Variants in BAZ2B observed in about 807,000 individuals in gnomAD.
The protein encoded by BAZ2B is bromodomain adjacent to zinc finger domain 2B, also known as bromodomain adjacent to zinc finger domain protein 2B.
In BAZ2B, 91 loss-of-function variants were observed where a neutral mutation model predicts 246.0. That is an observed-to-expected ratio of 0.37 (90% CI 0.31 to 0.44). BAZ2B has a LOEUF of 0.44. Ranked by LOEUF, BAZ2B falls within the 20% of genes least tolerant of loss-of-function variation. The probability of loss-of-function intolerance (pLI) is 1.00; values close to 1 mark genes in which losing one functional copy is unlikely to be tolerated. For missense variants in BAZ2B, 2,332 were observed against 2,533.7 expected, an observed-to-expected ratio of 0.92 and a Z score of 1.71; for synonymous variants, 855 against 860.0, an observed-to-expected ratio of 0.99 and a Z score of 0.10.
intron 16 of BAZ2B, among the ~76,000 whole-genome samples, chr2:159,401,310 T>C (rs1029768292): frequency 1.3e-5 from 2 of 152,192 alleles, no homozygotes; most frequent in East Asian, 3.9e-4. Flanking sequence ...AGAAAAATCA[T>C]GTATCAGCAG....
At chr2:159,593,498 C>G (rs1578737598) in intron 1 of BAZ2B, among the ~76,000 whole-genome samples, 1 of 152,234 alleles carries the variant, frequency 6.6e-6, no homozygotes, top group East Asian at 1.9e-4. Context: ...CCAGTAGTCC[C>G]CACTTATCCA....
chr2:159,698,539 A>C, the BAZ2B span, among the ~76,000 whole-genome samples: 1 of 146,868 alleles, frequency 6.8e-6, no homozygotes. Flanking sequence ...CAAAAAAAAC[A>C]AAGAAAAAGA....
the BAZ2B span, among the ~76,000 whole-genome samples, chr2:159,652,922 T>C: frequency 7.3e-6 from 1 of 137,110 alleles, no homozygotes; most frequent in African/African-American, 2.8e-5. Context: ...CTGACCCAAA[T>C]GTCCTTTTTT....
At chr2:159,474,938 T>C (rs2078318509) in intron 3 of BAZ2B, among the ~76,000 whole-genome samples, 2 of 152,340 alleles carry the variant, frequency 1.3e-5, no homozygotes, top group East Asian at 1.9e-4. Context: ...GTTAGTCTGA[T>C]GGGGTTCCCT....
rs377434305 is a variant in BAZ2B, at chr2:159,448,316, G to T, written c.428C>A (p.Pro143Gln). Residue 143 changes from proline (P) to glutamine (Q), a missense_variant, in exon 5 of 37, where the codon CCA (proline) becomes CAA (glutamine). Transcript: ENST00000392783. ...TGAAGAAGAATCATGATTCTGGGCTGGGGGAGCAAATAGTGGTGGAATTCC... is the reference window on the plus strand; with the variant it reads ...TGAAGAAGAATCATGATTCTGGGCTTGGGGAGCAAATAGTGGTGGAATTCC... ...LLGIPPLFAP[P>Q]AQNHDSSSFH... The T allele has an allele frequency of 1.2e-6, 2 of 1,613,210 alleles. No homozygotes were observed. Among genetic ancestry groups the T allele is most frequent in the South Asian group, 1.1e-5 (1 of 90,906 alleles).
At chr2:159,695,143 A>G in the BAZ2B span, 1 of 152,174 alleles carries the variant, frequency 6.6e-6, no homozygotes, top group Non-Finnish European at 1.5e-5. Flanking sequence ...CTTTAGAAAA[A>G]TATCTATTTA....
At chr2:159,681,693 G>T in the BAZ2B span, among the ~76,000 whole-genome samples, 1 of 152,164 alleles carries the variant, frequency 6.6e-6, no homozygotes, top group Non-Finnish European at 1.5e-5. Flanking sequence ...CACTTTGGGA[G>T]GCCGAGGTGG....
intron 2 of BAZ2B, among the ~76,000 whole-genome samples, chr2:159,534,845 G>A (rs898001148): frequency 2.0e-5 from 3 of 152,094 alleles, no homozygotes; most frequent in Non-Finnish European, 2.9e-5. Flanking sequence ...GACTTCAGGC[G>A]ATCCACCTGC....
intron 2 of BAZ2B, among the ~76,000 whole-genome samples, chr2:159,480,822 T>C (rs1350120101): frequency 6.6e-6 from 1 of 152,082 alleles, no homozygotes; most frequent in Admixed American, 6.5e-5. Flanking sequence ...AAACATATGC[T>C]TATGTAACCA....
intron 8 of BAZ2B, 37 bp from the exon 9 acceptor site, chr2:159,433,400 A>G (rs10187471): frequency 0.13 from 195,531 of 1,547,724 alleles, 13,699 homozygotes; most frequent in South Asian, 0.24. Flanking sequence ...AACAAAATGT[A>G]CCACAAAACA....
chr2:159,594,188 T>C (rs567377391), intron 1 of BAZ2B, among the ~76,000 whole-genome samples: 66 of 152,248 alleles, frequency 4.3e-4, no homozygotes, highest in Middle Eastern at 3.4e-3. Context: ...CGGCCTACCT[T>C]GTGGTCAGGG....
chr2:159,445,837 A>T (rs775339846), intron 6 of BAZ2B, among the ~76,000 whole-genome samples: 2 of 152,122 alleles, frequency 1.3e-5, no homozygotes, highest in Non-Finnish European at 2.9e-5. Context: ...AGTCCCAGCC[A>T]CATGTGGTGG....
chr2:159,683,852 C>A, the BAZ2B span, among the ~76,000 whole-genome samples: 1 of 152,206 alleles, frequency 6.6e-6, no homozygotes, highest in East Asian at 1.9e-4. Context: ...AAGACAACTG[C>A]CCCATCTCAA....
chr2:159,470,498 T>G (rs914099533), intron 3 of BAZ2B, among the ~76,000 whole-genome samples: 1 of 152,236 alleles, frequency 6.6e-6, no homozygotes, highest in African/African-American at 2.4e-5. Flanking sequence ...GTAGGAGGGT[T>G]TGCATGTGCA....
intron 28 of BAZ2B, 127 bp downstream of exon 28, chr2:159,349,581 G>C (rs970067106): frequency 5.3e-6 from 6 of 1,129,842 alleles, no homozygotes; most frequent in Non-Finnish European, 7.3e-6. Flanking sequence ...ATTCTGACTT[G>C]TTTTAGTTTT....
intron 2 of BAZ2B, among the ~76,000 whole-genome samples, chr2:159,502,191 T>C (rs2081914963): frequency 6.6e-6 from 1 of 152,058 alleles, no homozygotes; most frequent in African/African-American, 2.4e-5. Context: ...CTAATGGATA[T>C]TGGGTCTGTT....
chr2:159,443,387 T>C (rs1047286800), intron 6 of BAZ2B, among the ~76,000 whole-genome samples: 2 of 152,168 alleles, frequency 1.3e-5, no homozygotes, highest in African/African-American at 2.4e-5. Context: ...TCAATGACTT[T>C]CAATGAGAAT....
chr2:159,530,755 A>T (rs2085296397), intron 2 of BAZ2B, among the ~76,000 whole-genome samples: 1 of 152,142 alleles, frequency 6.6e-6, no homozygotes, highest in African/African-American at 2.4e-5. Context: ...GGATCACTTG[A>T]GATCAGGAGT....
intron 23 of BAZ2B, among the ~76,000 whole-genome samples, chr2:159,384,554 C>A (rs1048050859): frequency 6.6e-6 from 1 of 151,946 alleles, no homozygotes; most frequent in Non-Finnish European, 1.5e-5. Flanking sequence ...ACAAGATGAA[C>A]ATGAATTTGT....
Sources: allele counts gnomAD v4.1 joint callset (sites outside exome capture counted in the v4.1 genomes callset), GRCh38; gene constraint gnomAD v4.1.1; transcripts MANE v1.5; gene names NCBI Gene and HGNC (gene_info 2026-07-23, HGNC 2026-07-21).